Variants in CPQ observed in about 807,000 individuals in gnomAD.
The protein encoded by CPQ is carboxypeptidase Q.
Under a neutral mutation model 45.7 loss-of-function variants are expected in CPQ, and 37 were observed. That is an observed-to-expected ratio of 0.81 (90% CI 0.62 to 1.07). The LOEUF (loss-of-function observed/expected upper bound fraction) is 1.07. CPQ is among the 50% of genes least tolerant of loss of function. The pLI, the probability that CPQ is intolerant of heterozygous loss-of-function variation, is 0.00. For missense variants in CPQ, 537 were observed against 572.9 expected (o/e 0.94, Z 0.64); for synonymous variants, 186 against 205.8 (o/e 0.90, Z 0.82).
chr8:96,660,507 A>G (rs752275161), intron 1 of CPQ, among the ~76,000 whole-genome samples: 1 of 152,120 alleles, frequency 6.6e-6, no homozygotes, highest in Non-Finnish European at 1.5e-5. Context: ...GTATCCCTCT[A>G]TGTATTCTGT....
At chr8:96,893,434 C>T (rs1434895983) in intron 4 of CPQ, among the ~76,000 whole-genome samples, 1 of 152,198 alleles carries the variant, frequency 6.6e-6, no homozygotes, top group African/African-American at 2.4e-5. Flanking sequence ...AGTTCTAGAG[C>T]TCACACTGTG....
At chr8:96,959,738 G>A (rs1813420702) in intron 4 of CPQ, among the ~76,000 whole-genome samples, 1 of 150,182 alleles carries the variant, frequency 6.7e-6, no homozygotes, top group African/African-American at 2.5e-5. Flanking sequence ...AATGATTTTT[G>A]TTGTTGAAAA....
chr8:97,035,326 T>G (rs1469764287), intron 6 of CPQ, among the ~76,000 whole-genome samples: 1 of 152,214 alleles, frequency 6.6e-6, no homozygotes, highest in Non-Finnish European at 1.5e-5. Context: ...ATAAATGAAG[T>G]TACCATGAAC....
At chr8:96,942,418 T>C (rs541744414) in intron 4 of CPQ, among the ~76,000 whole-genome samples, 27 of 152,308 alleles carry the variant, frequency 1.8e-4, no homozygotes, top group African/African-American at 5.8e-4. Flanking sequence ...CCCAGTTGCC[T>C]TCTTTGGTCC....
Position 97,107,399 on chromosome 8 carries a change from G to C in CPQ, c.1256-35621G>C, listed in dbSNP as rs551308813. 2.6e-5 allele frequency among the ~76,000 whole-genome samples: 4 copies of C among 152,366 alleles called. No homozygotes were observed. In the East Asian group the frequency reaches 7.7e-4, roughly 29 times the overall value. ...CCCCAGCACCATCCCATACTCTGAAGGGTGTGCTTGTGAGGGGCCTGCATG... is the reference window on the plus strand; with the variant it reads ...CCCCAGCACCATCCCATACTCTGAACGGTGTGCTTGTGAGGGGCCTGCATG... On this transcript the variant is annotated intron_variant, in intron 7 of 7. Transcript: ENST00000220763.
intron 1 of CPQ, among the ~76,000 whole-genome samples, chr8:96,742,874 G>A (rs907220456): frequency 5.3e-5 from 8 of 151,948 alleles, no homozygotes; most frequent in Non-Finnish European, 7.4e-5. Context: ...TCCCTTTGAG[G>A]GTAACCCGAC....
chr8:96,699,167 C>G (rs996439000), intron 1 of CPQ, among the ~76,000 whole-genome samples: 4 of 152,116 alleles, frequency 2.6e-5, no homozygotes, highest in Admixed American at 2.6e-4. Flanking sequence ...AGAATGAGAT[C>G]CTCTCATTTG....
At chr8:97,100,250 A>G (rs891904097) in intron 7 of CPQ, among the ~76,000 whole-genome samples, 2 of 152,340 alleles carry the variant, frequency 1.3e-5, no homozygotes, top group South Asian at 4.1e-4. Flanking sequence ...ATCCAACAGC[A>G]TAGAGCAATA....
chr8:97,068,232 A>C (rs1414816430), intron 7 of CPQ, among the ~76,000 whole-genome samples: 1 of 152,172 alleles, frequency 6.6e-6, no homozygotes, highest in Non-Finnish European at 1.5e-5. Context: ...TTTTCACCTA[A>C]AATAAGAAAG....
chr8:97,067,201 A>G (rs1181491714), intron 7 of CPQ, among the ~76,000 whole-genome samples: 1 of 152,144 alleles, frequency 6.6e-6, no homozygotes, highest in Admixed American at 6.6e-5. Flanking sequence ...TGCTGGGATT[A>G]TAGGCATGAG....
chr8:97,056,813 C>A (rs74945696), intron 6 of CPQ, among the ~76,000 whole-genome samples: 2,900 of 152,272 alleles, frequency 0.019, 97 homozygotes, highest in African/African-American at 0.067. Context: ...TGCTGATGAA[C>A]TAACAAGATC....
chr8:96,889,926 C>T (rs1168859885), intron 4 of CPQ, among the ~76,000 whole-genome samples: 1 of 152,186 alleles, frequency 6.6e-6, no homozygotes, highest in Non-Finnish European at 1.5e-5. Flanking sequence ...CCTTTGGCAA[C>T]ACCCTCAAAG....
At chr8:96,959,507 T>C (rs1275024217) in intron 4 of CPQ, among the ~76,000 whole-genome samples, 2 of 152,104 alleles carry the variant, frequency 1.3e-5, no homozygotes, top group Non-Finnish European at 2.9e-5. Context: ...AACAAAAGCC[T>C]GCATCAGAAG....
chr8:96,753,125 C>T (rs1207376664), intron 1 of CPQ, among the ~76,000 whole-genome samples: 1 of 152,084 alleles, frequency 6.6e-6, no homozygotes, highest in Non-Finnish European at 1.5e-5. Context: ...TTTTGAAATA[C>T]ATAACCAGTT....
chr8:96,854,439 G>A (rs1338435641), intron 3 of CPQ, among the ~76,000 whole-genome samples: 1 of 146,156 alleles, frequency 6.8e-6, no homozygotes, highest in Non-Finnish European at 1.5e-5. Flanking sequence ...GCTGAGGCAG[G>A]AGAATGGCGT....
chr8:97,142,869 A>G, intron 7 of CPQ, 151 bp from the exon 8 acceptor site: 1 of 654,020 alleles, frequency 1.5e-6, no homozygotes, highest in East Asian at 2.8e-5. Context: ...TGACACATGG[A>G]CATTTCTTGC....
intron 1 of CPQ, among the ~76,000 whole-genome samples, chr8:96,653,096 A>G (rs1358267845): frequency 6.6e-5 from 10 of 151,996 alleles, no homozygotes; most frequent in African/African-American, 2.4e-4. Context: ...GGCCTGGCTA[A>G]TTTTTGTATA....
intron 3 of CPQ, among the ~76,000 whole-genome samples, chr8:96,857,068 C>T (rs895379299): frequency 6.6e-6 from 1 of 152,142 alleles, no homozygotes; most frequent in Admixed American, 6.5e-5. Flanking sequence ...AATGCCTAGA[C>T]CCATCAGTCT....
At chr8:96,776,775 A>T (rs1810610401) in intron 1 of CPQ, among the ~76,000 whole-genome samples, 1 of 152,180 alleles carries the variant, frequency 6.6e-6, no homozygotes, top group African/African-American at 2.4e-5. Flanking sequence ...GTAACTATGG[A>T]TTGTGAAGAC....
Sources: gnomAD v4.1 joint callset for allele counts (sites outside exome capture counted in the v4.1 genomes callset) on GRCh38, gnomAD v4.1.1 for gene constraint, MANE v1.5 for transcripts, NCBI Gene and HGNC (gene_info 2026-07-23, HGNC 2026-07-21) for gene names.